The following AAK1 variants were observed in gnomAD, a reference collection of about 807,000 sequenced individuals.
AAK1 encodes AP2-associated protein kinase 1.
In AAK1, 37 loss-of-function variants were observed where a neutral mutation model predicts 116.0. That is an observed-to-expected ratio of 0.32 (90% CI 0.25 to 0.42). AAK1 has a LOEUF of 0.42. Ranked by LOEUF, AAK1 falls within the 10% of genes least tolerant of loss-of-function variation. The probability of loss-of-function intolerance (pLI) is 1.00; values close to 1 mark genes in which losing one functional copy is unlikely to be tolerated. For synonymous variants in AAK1, 458 were observed against 439.9 expected, an observed-to-expected ratio of 1.04 and a Z score of -0.51; for missense variants, 919 against 1,170.6, an observed-to-expected ratio of 0.79 and a Z score of 3.14.
At chr2:69,551,966 C>T (rs1168434354) in intron 3 of AAK1, among the ~76,000 whole-genome samples, 7 of 152,222 alleles carry the variant, frequency 4.6e-5, no homozygotes, top group Admixed American at 4.6e-4. Context: ...GAATCTGCTT[C>T]TTTGAGTATG....
At chr2:69,519,295 G>T (rs1440943070) in intron 11 of AAK1, 55 bp from the exon 12 acceptor site, 1 of 1,470,684 alleles carries the variant, frequency 6.8e-7, no homozygotes, top group Admixed American at 2.6e-5. Context: ...CACAAAAATG[G>T]CTTTCTGTCT....
At chr2:69,511,432 C>T (rs538878174) in intron 13 of AAK1, among the ~76,000 whole-genome samples, 1 of 152,336 alleles carries the variant, frequency 6.6e-6, no homozygotes, top group East Asian at 1.9e-4. Flanking sequence ...GGTAACAAAG[C>T]TGCCCTGCTG....
At chr2:69,544,639 A>C (rs1019753464) in intron 3 of AAK1, 95 bp from the exon 4 acceptor site, 1 of 885,932 alleles carries the variant, frequency 1.1e-6, no homozygotes, top group Non-Finnish European at 1.8e-6. Context: ...ATTTAAATAC[A>C]GAGATGATAC....
intron 2 of AAK1, among the ~76,000 whole-genome samples, chr2:69,624,082 G>A (rs965716812): frequency 6.6e-6 from 1 of 152,102 alleles, no homozygotes; most frequent in African/African-American, 2.4e-5. Context: ...GGGAGCTAGA[G>A]GAGAAAGGGA....
intron 3 of AAK1, among the ~76,000 whole-genome samples, chr2:69,551,598 T>C (rs1223663536): frequency 2.0e-5 from 3 of 152,230 alleles, no homozygotes; most frequent in African/African-American, 7.2e-5. Flanking sequence ...TCAATGAGGA[T>C]GTAATCCATC....
intron 2 of AAK1, among the ~76,000 whole-genome samples, chr2:69,628,719 C>T (rs1412032839): frequency 6.6e-6 from 1 of 152,168 alleles, no homozygotes; most frequent in African/African-American, 2.4e-5. Flanking sequence ...AGGAATACTT[C>T]ATCTTCTGAG....
intron 2 of AAK1, among the ~76,000 whole-genome samples, chr2:69,610,022 G>A (rs1248738391): frequency 7.2e-6 from 1 of 139,654 alleles, no homozygotes; most frequent in Non-Finnish European, 1.5e-5. Context: ...CTGCACTCCA[G>A]CCTGGGCGAC....
Position 69,643,260 on chromosome 2 carries a change from C to A in AAK1, c.-220G>T, listed in dbSNP as rs1007110354. ...TCCCCTCCTCCTCCAGAAAGCGATT[C>A]GTGTAAGTTTAAACCTGTGATGACA... is the stretch of plus-strand genomic sequence containing the variant. On this transcript the variant is annotated 5_prime_UTR_variant, in exon 2 of 22. Coordinates refer to ENST00000409085, the MANE Select transcript of AAK1 (RefSeq NM_014911.5). The A allele has an allele frequency of 2.8e-6, 4 of 1,406,704 alleles. No homozygotes were observed. Among genetic ancestry groups the A allele is most frequent in the Non-Finnish European group, 3.7e-6 (4 of 1,088,890 alleles). The allele number at this position is 1,406,704 out of a possible 1,614,324, so 87.1% of individuals were successfully genotyped here. A position where few individuals can be genotyped will look rare whatever the true frequency, so the allele number is the denominator to read the frequency against.
In AAK1 at chr2:69,473,697, GA is replaced by G; in HGVS notation, c.*2171del. On this transcript the variant is annotated 3_prime_UTR_variant, in exon 22 of 22. Coordinates refer to ENST00000409085, the MANE Select transcript of AAK1 (RefSeq NM_014911.5). The stretch of plus-strand genomic sequence containing the variant: ...CTCTTCATAGTTTCAATTAAATTGA[GA>G]AACTAGATATTTCATTATATTTCTA... 3.1e-6 allele frequency: 3 copies of G among 963,684 alleles called. No individual in the cohort carries two copies. Among genetic ancestry groups the G allele is most frequent in the Non-Finnish European group, 3.7e-6 (3 of 809,936 alleles). The allele number at this position is 963,684 out of a possible 1,614,324, so 59.7% of individuals were successfully genotyped here.
chr2:69,458,000 C>T lies in AAK1; in HGVS notation c.*17869G>A, dbSNP rs1053813381. On this transcript the variant is annotated 3_prime_UTR_variant, in exon 22 of 22. Coordinates refer to ENST00000409085, the MANE Select transcript of AAK1 (RefSeq NM_014911.5). ...AAGAAATTGCACAAAGCATAAATCA[C>T]TTAATTAGGTCCATTTTAATAAAGG... 6.6e-6 allele frequency: 1 copy of T among 152,230 alleles called. No homozygotes were observed. Among genetic ancestry groups the T allele is most frequent in the Admixed American group, 6.5e-5 (1 of 15,294 alleles). 9.4% of individuals were successfully genotyped at this position (152,230 alleles called of 1,614,324 possible).
At chr2:69,621,774 C>G (rs1344000226) in intron 2 of AAK1, among the ~76,000 whole-genome samples, 1 of 152,240 alleles carries the variant, frequency 6.6e-6, no homozygotes, top group African/African-American at 2.4e-5. Flanking sequence ...CTGTGTAACA[C>G]TGCTCAGTGG....
intron 2 of AAK1, among the ~76,000 whole-genome samples, chr2:69,631,068 G>C (rs987331993): frequency 1.3e-5 from 2 of 152,182 alleles, no homozygotes; most frequent in Non-Finnish European, 2.9e-5. Context: ...CAGAGAAAAT[G>C]AACCAAGGTA....
chr2:69,520,993 A>T lies in AAK1; in HGVS notation c.1056-5T>A, dbSNP rs751328029. The T allele has an allele frequency of 5.6e-6, 9 of 1,613,790 alleles. No homozygotes were observed. In the Admixed American group the frequency reaches 1.5e-4, roughly 27 times the overall value. On this transcript the variant is annotated splice_polypyrimidine_tract_variant and splice_region_variant and intron_variant, in intron 10 of 21. Coordinates refer to ENST00000409085, the MANE Select transcript of AAK1 (RefSeq NM_014911.5). The stretch of plus-strand genomic sequence containing the variant: ...GTGGGAATGGGATCTGTCAGTCTAG[A>T]AAGGGAAAAGAGAAAGGTTCATATT...
At chr2:69,505,491 TAG>T in intron 16 of AAK1, 76 bp downstream of exon 16, 1 of 1,108,586 alleles carries the variant, frequency 9.0e-7, no homozygotes, top group African/African-American at 1.5e-5. Flanking sequence ...ACTGGCATGC[TAG>T]AGTTATCTGT....
Position 69,469,922 on chromosome 2 carries a change from G to T in AAK1, c.*5947C>A. ...TTTCAGCAAGAACTCACATGCTTCAGGGAAGAGAAGGAGTTCCTAAAATAC... is the reference window on the plus strand; with the variant it reads ...TTTCAGCAAGAACTCACATGCTTCATGGAAGAGAAGGAGTTCCTAAAATAC... On this transcript the variant is annotated 3_prime_UTR_variant, in exon 22 of 22. Transcript: ENST00000409085. 1.0e-6 allele frequency: 1 copy of T among 985,346 alleles called. No homozygotes were observed. The highest frequency in any genetic ancestry group is 1.2e-6 in the Non-Finnish European group (1 of 829,930). 61.0% of individuals were successfully genotyped at this position (985,346 alleles called of 1,614,324 possible).
chr2:69,612,282 T>C (rs1158773792), intron 2 of AAK1, among the ~76,000 whole-genome samples: 1 of 152,236 alleles, frequency 6.6e-6, no homozygotes, highest in Non-Finnish European at 1.5e-5. Context: ...GTAAATGTTA[T>C]ATTATGTATG....
intron 2 of AAK1, among the ~76,000 whole-genome samples, chr2:69,634,026 T>C (rs1314156075): frequency 2.6e-5 from 4 of 152,082 alleles, no homozygotes; most frequent in Admixed American, 2.6e-4. Context: ...AAAAATTAGC[T>C]GGGTGTGGTG....
intron 5 of AAK1, among the ~76,000 whole-genome samples, chr2:69,533,141 C>T (rs534040401): frequency 6.6e-6 from 1 of 152,252 alleles, no homozygotes; most frequent in East Asian, 1.9e-4. Context: ...GACTGATCAC[C>T]TTTGGAAAAC....
intron 2 of AAK1, among the ~76,000 whole-genome samples, chr2:69,607,788 A>G (rs1445563228): frequency 6.6e-6 from 1 of 152,164 alleles, no homozygotes; most frequent in Non-Finnish European, 1.5e-5. Context: ...GGCAGACTAG[A>G]GATTAGCCAT....
Sources: gnomAD v4.1 joint callset for allele counts (sites outside exome capture counted in the v4.1 genomes callset) on GRCh38, gnomAD v4.1.1 for gene constraint, MANE v1.5 for transcripts, NCBI Gene and HGNC (gene_info 2026-07-23, HGNC 2026-07-21) for gene names.